Variants in KDM5B observed in about 807,000 individuals in gnomAD.
KDM5B encodes the protein lysine-specific demethylase 5B.
Under a neutral mutation model 193.4 loss-of-function variants are expected in KDM5B, and 144 were observed. The ratio of observed to expected loss-of-function variants is 0.74; its 90% CI spans 0.65 to 0.86. The LOEUF (loss-of-function observed/expected upper bound fraction) is 0.86. Among genes scored for constraint, KDM5B ranks in the 40% least tolerant of loss-of-function variants. KDM5B has a pLI of 0.00. For missense variants in KDM5B, 1,833 were observed against 1,886.9 expected, an observed-to-expected ratio of 0.97 and a Z score of 0.53; for synonymous variants, 668 against 682.6, an observed-to-expected ratio of 0.98 and a Z score of 0.33.
chr1:202,779,284 G>T (rs1657093810), intron 1 of KDM5B, among the ~76,000 whole-genome samples: 1 of 151,816 alleles, frequency 6.6e-6, no homozygotes, highest in African/African-American at 2.4e-5. Context: ...ACTTTGGGAG[G>T]ATCATGAGGT....
At chr1:202,787,248 G>A (rs924270321) in intron 1 of KDM5B, among the ~76,000 whole-genome samples, 3 of 152,038 alleles carry the variant, frequency 2.0e-5, no homozygotes, top group Non-Finnish European at 4.4e-5. Context: ...GGGCTCAAGG[G>A]ATACTCCAAC....
At chr1:202,777,170 C>G in intron 1 of KDM5B, 76 bp from the exon 2 acceptor site, 2 of 1,138,926 alleles carry the variant, frequency 1.8e-6, no homozygotes, top group Non-Finnish European at 2.6e-6. Context: ...AAAATTAAAA[C>G]CCAGGTTAGG....
At chr1:202,737,489 G>A (rs1277687859) in intron 20 of KDM5B, among the ~76,000 whole-genome samples, 1 of 152,186 alleles carries the variant, frequency 6.6e-6, no homozygotes, top group Non-Finnish European at 1.5e-5. Context: ...ATGCATTGGT[G>A]TTGCTCCAAT....
Position 202,725,639 on chromosome 1 carries a change from G to C in KDM5B, c.*3397C>G, listed in dbSNP as rs967086931. 3.9e-5 allele frequency: 6 copies of C among 152,202 alleles called. No individual in the cohort carries two copies. Among genetic ancestry groups the C allele is most frequent in the Non-Finnish European group, 7.3e-5 (5 of 68,040 alleles). The allele number at this position is 152,202 out of a possible 1,614,324, so 9.4% of individuals were successfully genotyped here. ...CTTCCCAAGAAGCAATGTTTCATCAGAAGGGATTGGGTTTTCGCCAGCACT... is the reference window on the plus strand; with the variant it reads ...CTTCCCAAGAAGCAATGTTTCATCACAAGGGATTGGGTTTTCGCCAGCACT... On this transcript the variant is annotated 3_prime_UTR_variant, in exon 27 of 27. Transcript: ENST00000367265.
chr1:202,776,714 A>G (rs1270112964), intron 2 of KDM5B, among the ~76,000 whole-genome samples: 1 of 152,092 alleles, frequency 6.6e-6, no homozygotes, highest in Non-Finnish European at 1.5e-5. Flanking sequence ...GGCACACACC[A>G]TCACACGTGG....
chr1:202,730,985 TA>T lies in KDM5B; in HGVS notation c.4099del (p.Tyr1367ThrfsTer20). ...GCTTGGCTTTGCAAGTAAAGTCTGG[TA>T]AAGTTCCTGAATTTCAGGAAGGGAT... ...QVSLPEIQELYQTLLAKPSPA... is the reference protein window; with the variant it reads ...QVSLPEIQELXQTLLAKPSPA... On this transcript the variant is annotated frameshift_variant, in exon 25 of 27. Transcript: ENST00000367265. LOFTEE classifies it high-confidence loss of function. The T allele has an allele frequency of 6.2e-7, 1 of 1,613,852 alleles. No individual in the cohort carries two copies. Among genetic ancestry groups the T allele is most frequent in the Non-Finnish European group, 8.5e-7 (1 of 1,179,880 alleles).
intron 11 of KDM5B, 84 bp from the exon 12 acceptor site, chr1:202,753,151 C>T: frequency 8.9e-7 from 1 of 1,128,504 alleles, no homozygotes; most frequent in Non-Finnish European, 1.3e-6. Flanking sequence ...TCAGACTCGG[C>T]TTTGTAAGAC....
At chr1:202,807,741 G>A (rs1411181820) in intron 1 of KDM5B, among the ~76,000 whole-genome samples, 1 of 137,672 alleles carries the variant, frequency 7.3e-6, no homozygotes. Flanking sequence ...CCTCCCTCCA[G>A]CCCGCGCCTC....
intron 1 of KDM5B, among the ~76,000 whole-genome samples, chr1:202,802,255 C>G (rs1195432670): frequency 6.6e-6 from 1 of 152,170 alleles, no homozygotes; most frequent in African/African-American, 2.4e-5. Context: ...TTTTCTACAG[C>G]CAACCTTAAT....
intron 13 of KDM5B, among the ~76,000 whole-genome samples, chr1:202,750,097 TC>T (rs888996711): frequency 1.3e-5 from 2 of 152,148 alleles, no homozygotes; most frequent in Non-Finnish European, 2.9e-5. Context: ...ATCAATAGAC[TC>T]CATTCTTCAT....
Position 202,733,387 on chromosome 1 carries a change from A to T in KDM5B, c.3909+14T>A. 1 of 1,605,978 alleles carries T rather than the reference A, an allele frequency of 6.2e-7. No homozygotes were observed. Among genetic ancestry groups the T allele is most frequent in the Non-Finnish European group, 8.5e-7 (1 of 1,174,136 alleles). On this transcript the variant is annotated intron_variant, in intron 23 of 26. Transcript: ENST00000367265. ...GCAAATTCCAATAACCCAACAAGGAAAGTCCAGATTCACCTTGTTTGTGTC... is the reference window on the plus strand; with the variant it reads ...GCAAATTCCAATAACCCAACAAGGATAGTCCAGATTCACCTTGTTTGTGTC...
chr1:202,750,373 G>C (rs1466707887), intron 13 of KDM5B, among the ~76,000 whole-genome samples: 2 of 152,070 alleles, frequency 1.3e-5, no homozygotes, highest in African/African-American at 4.8e-5. Context: ...CCACCTCCTG[G>C]GTTCAAGTGA....
chr1:202,773,625 C>A (rs1202134361), intron 3 of KDM5B, among the ~76,000 whole-genome samples: 1 of 152,078 alleles, frequency 6.6e-6, no homozygotes, highest in Non-Finnish European at 1.5e-5. Context: ...TTATTCTGGG[C>A]TCTTAAATAA....
rs1431395546 is a variant in KDM5B at position 202,760,584 on chromosome 1, A to G, written c.919-11T>C. ...GACATACAGGTCCACCTGTAGCAAT[A>G]AAAGTGGGTACAGAACAAAGGAACA... is the stretch of plus-strand genomic sequence containing the variant. On this transcript the variant is annotated splice_polypyrimidine_tract_variant and intron_variant, in intron 7 of 26. Transcript: ENST00000367265. The G allele has an allele frequency of 6.3e-7, 1 of 1,597,886 alleles. No homozygotes were observed. Among genetic ancestry groups the G allele is most frequent in the Admixed American group, 1.8e-5 (1 of 56,742 alleles).
chr1:202,768,225 C>T (rs1656555827), intron 4 of KDM5B, among the ~76,000 whole-genome samples: 1 of 152,060 alleles, frequency 6.6e-6, no homozygotes, highest in South Asian at 2.1e-4. Context: ...GTATTTAATG[C>T]CAATATAACA....
At position 202,726,577 on chromosome 1, in the gene KDM5B, C is replaced by T. The variant is rs1553348212; in HGVS notation, c.*2459G>A. 6.6e-6 allele frequency: 1 copy of T among 152,172 alleles called. No homozygotes were observed. Among genetic ancestry groups the T allele is most frequent in the Non-Finnish European group, 1.5e-5 (1 of 68,036 alleles). The allele number at this position is 152,172 out of a possible 1,614,324, so 9.4% of individuals were successfully genotyped here. A position where few individuals can be genotyped will look rare whatever the true frequency, so the allele number is the denominator to read the frequency against. ...GCTCTAACTTAACACAGTCCCTTCC[C>T]CTCTCCCACCTCACAAAGCTGCAGG... On this transcript the variant is annotated 3_prime_UTR_variant, in exon 27 of 27. Coordinates refer to ENST00000367265, the MANE Select transcript of KDM5B (RefSeq NM_006618.5).
chr1:202,781,002 A>G (rs1657175508), intron 1 of KDM5B, among the ~76,000 whole-genome samples: 1 of 152,176 alleles, frequency 6.6e-6, no homozygotes, highest in Non-Finnish European at 1.5e-5. Flanking sequence ...ACTTATCATT[A>G]TAGACTGCTT....
At chr1:202,729,442 C>A (rs1345595351) in intron 26 of KDM5B, 5 of 588,872 alleles carry the variant, frequency 8.5e-6, no homozygotes, top group Non-Finnish European at 1.5e-5. Flanking sequence ...CATCAGCATC[C>A]CTCCCACCTT....
chr1:202,726,954 T>A lies in KDM5B; in HGVS notation c.*2082A>T, dbSNP rs1654694960. 1 of 152,214 alleles carries A rather than the reference T, an allele frequency of 6.6e-6. No homozygotes were observed. Among genetic ancestry groups the A allele is most frequent in the Non-Finnish European group, 1.5e-5 (1 of 68,038 alleles). 9.4% of individuals were successfully genotyped at this position (152,214 alleles called of 1,614,324 possible). On this transcript the variant is annotated 3_prime_UTR_variant, in exon 27 of 27. Transcript: ENST00000367265. ...TCATCACACATAAAATGATCAGTGGTTCTCATCCAGGGAGGGAGTGGTTCA... is the reference window on the plus strand; with the variant it reads ...TCATCACACATAAAATGATCAGTGGATCTCATCCAGGGAGGGAGTGGTTCA...
Sources: allele counts gnomAD v4.1 joint callset (sites outside exome capture counted in the v4.1 genomes callset), GRCh38; gene constraint gnomAD v4.1.1; transcripts MANE v1.5; gene names NCBI Gene and HGNC (gene_info 2026-07-23, HGNC 2026-07-21).